The following CYTH3 variants were observed in gnomAD, a reference collection of about 807,000 sequenced individuals.
CYTH3 encodes the protein cytohesin-3.
A neutral mutation model predicts 55.1 loss-of-function variants in CYTH3; 23 were observed. That is an observed-to-expected ratio of 0.42 (90% CI 0.30 to 0.59). The LOEUF (loss-of-function observed/expected upper bound fraction) is 0.59. Ranked by LOEUF, CYTH3 falls within the 20% of genes least tolerant of loss-of-function variation. The probability of loss-of-function intolerance (pLI) is 0.20; values close to 1 mark genes in which losing one functional copy is unlikely to be tolerated. For missense variants in CYTH3, 413 were observed against 524.8 expected, an observed-to-expected ratio of 0.79 and a Z score of 2.08; for synonymous variants, 249 against 194.9, an observed-to-expected ratio of 1.28 and a Z score of -2.31.
At chr7:6,173,547 C>G (rs143484325) in intron 6 of CYTH3, 106 bp downstream of exon 6, 1 of 751,542 alleles carries the variant, frequency 1.3e-6, no homozygotes, top group African/African-American at 1.7e-5. Flanking sequence ...CTGTGAGACT[C>G]GTGTGGCACC....
chr7:6,266,714 T>C (rs1435290881), intron 1 of CYTH3, among the ~76,000 whole-genome samples: 1 of 152,204 alleles, frequency 6.6e-6, no homozygotes, highest in Non-Finnish European at 1.5e-5. Context: ...GCCACGGGCT[T>C]TCCCTACACC....
At chr7:6,220,519 T>G (rs950918362) in intron 1 of CYTH3, among the ~76,000 whole-genome samples, 1 of 148,094 alleles carries the variant, frequency 6.8e-6, no homozygotes, top group African/African-American at 2.5e-5. Flanking sequence ...CTGCAAAGCA[T>G]TAAAAGGATG....
chr7:6,187,628 A>G, intron 3 of CYTH3, 29 bp downstream of exon 3: 2 of 1,586,524 alleles, frequency 1.3e-6, no homozygotes, highest in Non-Finnish European at 1.7e-6. Flanking sequence ...AAGAGTAAAT[A>G]GCTTAAAGGT....
At chr7:6,268,606 TG>T (rs1780571236) in intron 1 of CYTH3, among the ~76,000 whole-genome samples, 1 of 152,246 alleles carries the variant, frequency 6.6e-6, no homozygotes, top group African/African-American at 2.4e-5. Context: ...TGCTTGCTGA[TG>T]GACACTCAAG....
At chr7:6,242,217 C>T (rs1487086343) in intron 1 of CYTH3, among the ~76,000 whole-genome samples, 1 of 151,816 alleles carries the variant, frequency 6.6e-6, no homozygotes, top group Non-Finnish European at 1.5e-5. Flanking sequence ...GCTGGGACTA[C>T]AGGCGCCCAC....
At chr7:6,250,986 A>C (rs993566331) in intron 1 of CYTH3, among the ~76,000 whole-genome samples, 1 of 152,170 alleles carries the variant, frequency 6.6e-6, no homozygotes, top group South Asian at 2.1e-4. Flanking sequence ...ATCATACATA[A>C]ATCTGAGAAG....
intron 1 of CYTH3, among the ~76,000 whole-genome samples, chr7:6,248,655 G>A (rs1430306254): frequency 6.6e-6 from 1 of 152,118 alleles, no homozygotes; most frequent in African/African-American, 2.4e-5. Context: ...GCCCACCCCG[G>A]CTGCCCGTGG....
rs752160290 is a variant in CYTH3 at position 6,167,766 on chromosome 7, C to G, written c.824-1956G>C. On this transcript the variant is annotated intron_variant, in intron 9 of 12. Coordinates refer to ENST00000350796, the MANE Select transcript of CYTH3 (RefSeq NM_004227.4). This position sits in a 1 kb window ranked among gnomAD's most constrained non-coding sequence, Gnocchi z 5.5. ...CCAGGTTGTGTGTTTCTGTCCAGCGCCTGCTCTCTTCCTCCACGCTCCCAG... is the reference window on the plus strand; with the variant it reads ...CCAGGTTGTGTGTTTCTGTCCAGCGGCTGCTCTCTTCCTCCACGCTCCCAG... 6.6e-6 allele frequency among the ~76,000 whole-genome samples: 1 copy of G among 152,258 alleles called. No individual in the cohort carries two copies. The highest frequency in any genetic ancestry group is 1.5e-5 in the Non-Finnish European group (1 of 68,046).
chr7:6,213,386 A>C (rs554464826), intron 1 of CYTH3, among the ~76,000 whole-genome samples: 2 of 152,352 alleles, frequency 1.3e-5, no homozygotes, highest in African/African-American at 4.8e-5. Flanking sequence ...AGGAACCTCC[A>C]ACACCATTTT....
intron 1 of CYTH3, among the ~76,000 whole-genome samples, chr7:6,216,855 G>GA (rs1411920506): frequency 8.4e-6 from 1 of 118,654 alleles, no homozygotes; most frequent in Non-Finnish European, 1.7e-5. Context: ...ACAAAAAGCT[G>GA]AACAGGAAAA....
chr7:6,240,493 T>G (rs1265890813), intron 1 of CYTH3, among the ~76,000 whole-genome samples: 1 of 152,050 alleles, frequency 6.6e-6, no homozygotes, highest in Non-Finnish European at 1.5e-5. Context: ...TAAAACCATG[T>G]CATGCTGGCA....
chr7:6,196,372 A>G (rs1783928237), intron 1 of CYTH3, among the ~76,000 whole-genome samples: 1 of 152,178 alleles, frequency 6.6e-6, no homozygotes, highest in South Asian at 2.1e-4. Flanking sequence ...GAGATCAAAT[A>G]AAATAAAGAA....
chr7:6,165,470 G>T (rs1782970465), intron 11 of CYTH3, 43 bp from the exon 12 acceptor site: 1 of 1,609,146 alleles, frequency 6.2e-7, no homozygotes, highest in Admixed American at 1.7e-5. Flanking sequence ...GGGGGCTTGG[G>T]GCAGGTTCCC....
Position 6,170,801 on chromosome 7 carries a change from C to T in CYTH3, c.711+29G>A, listed in dbSNP as rs760375038. ...GCTCACAGCGAAGAGATCCTGCAGA[C>T]GGCAGCGGCCGCGGGCCGGGGAGCT... On this transcript the variant is annotated intron_variant, in intron 8 of 12. Coordinates refer to ENST00000350796, the MANE Select transcript of CYTH3 (RefSeq NM_004227.4). This position sits in a 1 kb window ranked among gnomAD's most constrained non-coding sequence, Gnocchi z 7.8. 2.4e-5 allele frequency: 39 copies of T among 1,596,316 alleles called. No individual in the cohort carries two copies. Among genetic ancestry groups the T allele is most frequent in the Non-Finnish European group, 3.1e-5 (36 of 1,171,630 alleles).
At chr7:6,210,784 T>C (rs1213568489) in intron 1 of CYTH3, among the ~76,000 whole-genome samples, 5 of 152,196 alleles carry the variant, frequency 3.3e-5, no homozygotes. Context: ...TATTTTTTCC[T>C]CCTCAGCATC....
chr7:6,254,081 G>A (rs1780042231), intron 1 of CYTH3, among the ~76,000 whole-genome samples: 2 of 151,756 alleles, frequency 1.3e-5, no homozygotes, highest in African/African-American at 2.4e-5. Context: ...ACTCAGGAGG[G>A]TGAGGCAGGA....
intron 9 of CYTH3, among the ~76,000 whole-genome samples, 175 bp from the exon 10 acceptor site, chr7:6,165,985 C>T (rs1056593284): frequency 4.6e-5 from 7 of 152,170 alleles, no homozygotes; most frequent in African/African-American, 1.2e-4. Flanking sequence ...GCACCCACCC[C>T]GCCCACACCG....
At position 6,259,832 on chromosome 7, in the gene CYTH3, A is replaced by ATT. The variant is rs10586697; in HGVS notation, c.34+12640_34+12641dup. Among the ~76,000 whole-genome samples, 11 of 17,568 alleles carry ATT rather than the reference A, an allele frequency of 6.3e-4. 1 individual carries two copies. Among genetic ancestry groups the ATT allele is most frequent in the African/African-American group, 4.7e-3 (10 of 2,128 alleles). 11.5% of individuals were successfully genotyped at this position (17,568 alleles called of 152,430 possible). A position where few individuals can be genotyped will look rare whatever the true frequency, so the allele number is the denominator to read the frequency against. On this transcript the variant is annotated intron_variant, in intron 1 of 12. Transcript: ENST00000350796. Reference sequence around the variant, plus strand: ...ATATATAATATATATATATATATATATTTTTTTTTTTTTTTAAGACGGATT... The same window carrying ATT: ...ATATATAATATATATATATATATATATTTTTTTTTTTTTTTTTAAGACGGATT...
intron 4 of CYTH3, among the ~76,000 whole-genome samples, chr7:6,182,846 GTTC>G (rs1222115739): frequency 6.6e-6 from 1 of 152,140 alleles, no homozygotes; most frequent in Admixed American, 6.5e-5. Flanking sequence ...TCCAGCCTTA[GTTC>G]TTCTGTTTGT....
Sources: allele counts gnomAD v4.1 joint callset (sites outside exome capture counted in the v4.1 genomes callset), GRCh38; gene constraint gnomAD v4.1.1; non-coding constraint Gnocchi (gnomAD v3.1); transcripts MANE v1.5; gene names NCBI Gene and HGNC (gene_info 2026-07-23, HGNC 2026-07-21).